CADPS: variants seen among roughly 807,000 people sequenced by gnomAD.
CADPS encodes the protein calcium dependent secretion activator, also known as calcium-dependent secretion activator 1.
CADPS carries 57 observed loss-of-function variants against 167.3 expected under a neutral mutation model. The observed-to-expected ratio is 0.34, with a 90% CI of 0.28 to 0.42. CADPS has a LOEUF of 0.42. Among genes scored for constraint, CADPS ranks in the 20% least tolerant of loss-of-function variants. The probability of loss-of-function intolerance (pLI) is 1.00; values close to 1 mark genes in which losing one functional copy is unlikely to be tolerated. For missense variants in CADPS, 1,414 were observed against 1,738.1 expected, an observed-to-expected ratio of 0.81 and a Z score of 3.32; for synonymous variants, 676 against 635.3, an observed-to-expected ratio of 1.06 and a Z score of -0.96.
intron 3 of CADPS, among the ~76,000 whole-genome samples, chr3:62,737,123 G>C (rs534593109): frequency 7.9e-4 from 120 of 152,118 alleles, no homozygotes; most frequent in African/African-American, 2.7e-3. Flanking sequence ...GGGCAACAGA[G>C]AGAGACTCCA....
chr3:62,770,854 C>T (rs759668138), intron 1 of CADPS, among the ~76,000 whole-genome samples: 7 of 152,190 alleles, frequency 4.6e-5, no homozygotes, highest in Non-Finnish European at 8.8e-5. Context: ...AAAGTGACCA[C>T]CAGCCTGACT....
intron 4 of CADPS, among the ~76,000 whole-genome samples, chr3:62,658,108 T>A (rs1198879912): frequency 2.0e-5 from 3 of 152,206 alleles, no homozygotes; most frequent in Non-Finnish European, 2.9e-5. Context: ...ACTTCCTGCC[T>A]TTCTTCTGAG....
intron 20 of CADPS, 106 bp downstream of exon 20, chr3:62,492,184 T>G: frequency 2.2e-6 from 2 of 923,472 alleles, no homozygotes; most frequent in South Asian, 1.6e-5. Flanking sequence ...AATAAAACCA[T>G]GAAGAGCTAT....
chr3:62,584,622 T>C (rs1258016063), intron 8 of CADPS, among the ~76,000 whole-genome samples: 1 of 152,260 alleles, frequency 6.6e-6, no homozygotes, highest in Admixed American at 6.5e-5. Flanking sequence ...TTATTTGGCA[T>C]CTTACCTATT....
In CADPS at chr3:62,401,927, T is replaced by A. The variant is rs1048331257; in HGVS notation, c.3882+1154A>T. ...GGTCAAACAGACAATTTCCCCAAAG[T>A]GCATTTATGCACAGAAAATGGAATT... On this transcript the variant is annotated intron_variant, in intron 29 of 29. Coordinates refer to ENST00000383710, the MANE Select transcript of CADPS (RefSeq NM_003716.4). Among the ~76,000 whole-genome samples the A allele has an allele frequency of 7.2e-5, 11 of 152,162 alleles. No homozygotes were observed. The South Asian group carries it at 1.4e-3, about 20-fold the overall frequency.
chr3:62,518,994 C>A (rs976959308), intron 13 of CADPS, among the ~76,000 whole-genome samples: 2 of 152,172 alleles, frequency 1.3e-5, no homozygotes, highest in African/African-American at 2.4e-5. Flanking sequence ...GTTTGATCAT[C>A]ATATTCTCAT....
intron 29 of CADPS, among the ~76,000 whole-genome samples, chr3:62,401,732 A>ATTTTT (rs35897409): frequency 3.4e-5 from 5 of 145,498 alleles, no homozygotes; most frequent in Non-Finnish European, 3.0e-5. Context: ...CTCATACCAC[A>ATTTTT]TTTTTTTTTT....
intron 6 of CADPS, among the ~76,000 whole-genome samples, chr3:62,643,775 T>G (rs2067932366): frequency 6.6e-6 from 1 of 152,194 alleles, no homozygotes; most frequent in Non-Finnish European, 1.5e-5. Flanking sequence ...CCCAGCATCT[T>G]AAAAGGTTGC....
chr3:62,542,231 A>C (rs1025015954), intron 11 of CADPS, among the ~76,000 whole-genome samples: 1 of 152,176 alleles, frequency 6.6e-6, no homozygotes, highest in African/African-American at 2.4e-5. Flanking sequence ...GCTACTCCTG[A>C]TGGATGCTAG....
intron 28 of CADPS, chr3:62,403,432 C>T (rs1180327165): frequency 6.9e-6 from 2 of 288,396 alleles, no homozygotes; most frequent in South Asian, 1.3e-4. Flanking sequence ...TTGAACTCTT[C>T]CACGACAGAC....
chr3:62,467,094 G>A (rs138170957), intron 24 of CADPS, among the ~76,000 whole-genome samples: 358 of 152,248 alleles, frequency 2.4e-3, no homozygotes, highest in Non-Finnish European at 3.7e-3. Context: ...CATTTAAATA[G>A]TAATGTGAAG....
rs191957735 is a variant in CADPS, at chr3:62,527,122, A to G, written c.2291+5749T>C. Reference sequence around the variant, plus strand: ...AATCCCCACATGATTTATGTGCACAATGAAGTGTGAGAACCACTGTACAAA... The same window carrying G: ...AATCCCCACATGATTTATGTGCACAGTGAAGTGTGAGAACCACTGTACAAA... On this transcript the variant is annotated intron_variant, in intron 13 of 29. Transcript: ENST00000383710. Among the ~76,000 whole-genome samples the G allele has an allele frequency of 8.5e-5, 13 of 152,288 alleles. No individual in the cohort carries two copies. The East Asian group carries it at 2.5e-3, about 29-fold the overall frequency.
intron 28 of CADPS, among the ~76,000 whole-genome samples, chr3:62,432,227 C>G (rs1050512366): frequency 2.0e-4 from 31 of 152,076 alleles, no homozygotes; most frequent in African/African-American, 7.0e-4. Context: ...CTACGTCTGT[C>G]TACATTCATT....
intron 1 of CADPS, among the ~76,000 whole-genome samples, chr3:62,824,179 A>G (rs1443515068): frequency 6.6e-6 from 1 of 151,896 alleles, no homozygotes; most frequent in African/African-American, 2.4e-5. Flanking sequence ...AAAAAAAAAA[A>G]AAAGAAAAAA....
intron 1 of CADPS, among the ~76,000 whole-genome samples, chr3:62,862,217 G>GTT (rs34987223): frequency 0.019 from 2,514 of 131,782 alleles, 82 homozygotes; most frequent in African/African-American, 0.063. Flanking sequence ...GAAAACAGTG[G>GTT]TTTTTTTTTT....
intron 18 of CADPS, among the ~76,000 whole-genome samples, chr3:62,496,692 A>G (rs1426140151): frequency 1.3e-5 from 2 of 152,154 alleles, no homozygotes; most frequent in South Asian, 2.1e-4. Context: ...ACTGGAAGAG[A>G]AGAGGCAAAG....
At chr3:62,834,382 G>A (rs570454515) in intron 1 of CADPS, among the ~76,000 whole-genome samples, 1 of 152,142 alleles carries the variant, frequency 6.6e-6, no homozygotes, top group South Asian at 2.1e-4. Flanking sequence ...ACTGCTTATA[G>A]AAAATTAGAA....
At chr3:62,441,082 C>T (rs976468397) in intron 27 of CADPS, 2 of 152,188 alleles carry the variant, frequency 1.3e-5, no homozygotes, top group Admixed American at 6.5e-5. Context: ...AACAAGCTAA[C>T]CCTTAGTTAT....
intron 28 of CADPS, among the ~76,000 whole-genome samples, chr3:62,416,035 G>A (rs1282439892): frequency 6.6e-6 from 1 of 152,080 alleles, no homozygotes; most frequent in Non-Finnish European, 1.5e-5. Context: ...TTTTCTCAGT[G>A]CTTCAGAATG....
Sources: gnomAD v4.1 joint callset for allele counts (sites outside exome capture counted in the v4.1 genomes callset) on GRCh38, gnomAD v4.1.1 for gene constraint, MANE v1.5 for transcripts, NCBI Gene and HGNC (gene_info 2026-07-23, HGNC 2026-07-21) for gene names.